The following MELK variants were observed in gnomAD, a reference collection of about 807,000 sequenced individuals.
MELK encodes the protein pEg3 kinase.
MELK carries 81 observed loss-of-function variants against 85.0 expected under a neutral mutation model. The ratio of observed to expected loss-of-function variants is 0.95; its 90% CI spans 0.80 to 1.15. The LOEUF is 1.15. Ranked by LOEUF, MELK falls within the 50% of genes most tolerant of loss-of-function variation. MELK has a pLI of 0.00. For missense variants in MELK, 754 were observed against 777.5 expected (o/e 0.97, Z 0.36); for synonymous variants, 252 against 265.0 (o/e 0.95, Z 0.48).
chr9:36,671,039 A>G lies in MELK; in HGVS notation c.1547A>G (p.Glu516Gly). 6.2e-7 allele frequency: 1 copy of G among 1,613,532 alleles called. No homozygotes were observed. The change falls in exon 16 of 18, where the codon GAG becomes GGG. Residue 516 changes from glutamate to glycine, a missense_variant. Glu to Gly is a moderately conservative substitution (Grantham distance 98). Transcript: ENST00000298048. ...TTGGATCTCAACCAAGCACATATGG[A>G]GGAGACTCCAAAAAGAAAGGGAGCC... ...VELDLNQAHMEETPKRKGAKV... is the reference protein window; with the variant it reads ...VELDLNQAHMGETPKRKGAKV...
intron 6 of MELK, 124 bp downstream of exon 6, chr9:36,597,414 A>G (rs1347007153): frequency 1.5e-5 from 13 of 851,104 alleles, no homozygotes; most frequent in Non-Finnish European, 2.4e-5. Context: ...GAAGAATGTT[A>G]AATTTCATCC....
intron 8 of MELK, among the ~76,000 whole-genome samples, chr9:36,627,454 A>G (rs1013813381): frequency 2.0e-5 from 3 of 151,698 alleles, no homozygotes. Context: ...GACTTTTAAT[A>G]TTATTACATT....
intron 1 of MELK, among the ~76,000 whole-genome samples, chr9:36,579,019 ATATT>A (rs570053757): frequency 7.3e-6 from 1 of 136,156 alleles, no homozygotes; most frequent in Non-Finnish European, 1.5e-5. Flanking sequence ...ATTTATTTAT[ATATT>A]TATTTATTTA....
At position 36,630,331 on chromosome 9, in the gene MELK, TC is replaced by T. The variant is rs778959315; in HGVS notation, c.702del (p.Ser235ValfsTer20). 1 of 1,612,494 alleles carries T rather than the reference TC, an allele frequency of 6.2e-7. No individual in the cohort carries two copies. Among genetic ancestry groups the T allele is most frequent in the South Asian group, 1.1e-5 (1 of 91,006 alleles). ...AATATGATGTTCCCAAGTGGCTCTC[TC>T]CCAGTAGCATTCTGCTTCTTCAACA... is the stretch of plus-strand genomic sequence containing the variant. ...GKYDVPKWLS[P>X]SSILLLQQML... On this transcript the variant is annotated frameshift_variant, in exon 9 of 18. Transcript: ENST00000298048. LOFTEE classifies it high-confidence loss of function.
At chr9:36,632,570 G>A (rs577785254) in intron 9 of MELK, among the ~76,000 whole-genome samples, 3 of 152,144 alleles carry the variant, frequency 2.0e-5, no homozygotes, top group East Asian at 1.9e-4. Context: ...CCAAATCTCC[G>A]TAATGAGATT....
chr9:36,605,119 C>T (rs928883551), intron 7 of MELK, among the ~76,000 whole-genome samples: 4 of 151,860 alleles, frequency 2.6e-5, no homozygotes, highest in Non-Finnish European at 5.9e-5. Context: ...CTTGAACTCC[C>T]TACTTCAGGT....
At chr9:36,625,507 T>A (rs1827840960) in intron 8 of MELK, among the ~76,000 whole-genome samples, 1 of 152,096 alleles carries the variant, frequency 6.6e-6, no homozygotes, top group Admixed American at 6.6e-5. Flanking sequence ...CTAAAACCCC[T>A]CCTTCCCAGG....
intron 7 of MELK, among the ~76,000 whole-genome samples, chr9:36,606,007 T>C (rs1825444395): frequency 6.6e-6 from 1 of 151,688 alleles, no homozygotes; most frequent in Non-Finnish European, 1.5e-5. Context: ...GAGCTGTGAC[T>C]TCTCCTCAGC....
At chr9:36,604,516 A>G (rs1825282426) in intron 7 of MELK, among the ~76,000 whole-genome samples, 1 of 151,370 alleles carries the variant, frequency 6.6e-6, no homozygotes, top group South Asian at 2.1e-4. Flanking sequence ...GGTGGGATTG[A>G]GTGGGAGTGG....
intron 8 of MELK, 162 bp from the exon 9 acceptor site, chr9:36,630,137 G>C (rs1299312859): frequency 1.6e-6 from 1 of 625,122 alleles, no homozygotes; most frequent in South Asian, 2.1e-5. Flanking sequence ...GAGCCACCAC[G>C]CCCAGCCAAG....
Position 36,657,327 on chromosome 9 carries a change from T to C in MELK, c.1140T>C (p.Asp380=). Residue 380 remains aspartate (D), a synonymous_variant, in exon 13 of 18, where the codon GAT becomes GAC. Transcript: ENST00000298048. ...TAGACTATGATTGGTGTGAAGATGA[T>C]TTATCAACAGGTGCTGCTACTCCCC... The part of the protein sequence containing the change: ...GLIDYDWCED[D]LSTGAATPRT... 2 of 1,613,298 alleles carry C rather than the reference T, an allele frequency of 1.2e-6. No individual in the cohort carries two copies. Among genetic ancestry groups the C allele is most frequent in the Non-Finnish European group, 1.7e-6 (2 of 1,179,818 alleles).
intron 1 of MELK, among the ~76,000 whole-genome samples, chr9:36,573,840 T>C (rs1821355894): frequency 6.6e-6 from 1 of 151,876 alleles, no homozygotes; most frequent in Non-Finnish European, 1.5e-5. Flanking sequence ...GCTGTATCAG[T>C]AATAGGAGCA....
intron 16 of MELK, among the ~76,000 whole-genome samples, chr9:36,671,776 T>G (rs1319508725): frequency 6.6e-6 from 1 of 152,224 alleles, no homozygotes; most frequent in Non-Finnish European, 1.5e-5. Context: ...GTACTTTTTA[T>G]TCTCTTGGAT....
chr9:36,609,927 G>A (rs1455253908), intron 8 of MELK, among the ~76,000 whole-genome samples: 2 of 152,190 alleles, frequency 1.3e-5, no homozygotes, highest in African/African-American at 4.8e-5. Context: ...GGTGAGGAAT[G>A]CCATATTATA....
At chr9:36,603,635 T>G (rs1022703105) in intron 7 of MELK, among the ~76,000 whole-genome samples, 1 of 152,070 alleles carries the variant, frequency 6.6e-6, no homozygotes, top group South Asian at 2.1e-4. Flanking sequence ...GGTCTTGCTA[T>G]GTTTCTGGGG....
chr9:36,632,227 C>A (rs1315060076), intron 9 of MELK, among the ~76,000 whole-genome samples: 2 of 152,144 alleles, frequency 1.3e-5, no homozygotes, highest in Non-Finnish European at 2.9e-5. Context: ...TGGGGCCACA[C>A]TTTGAGAACC....
chr9:36,613,236 C>T (rs1033104758), intron 8 of MELK, among the ~76,000 whole-genome samples: 1 of 152,244 alleles, frequency 6.6e-6, no homozygotes, highest in African/African-American at 2.4e-5. Flanking sequence ...TCCCTCCCTT[C>T]TTTCAGGTCT....
intron 10 of MELK, among the ~76,000 whole-genome samples, chr9:36,639,127 C>T (rs570155773): frequency 6.6e-6 from 1 of 152,142 alleles, no homozygotes; most frequent in Non-Finnish European, 1.5e-5. Flanking sequence ...ATCACAGTAA[C>T]TTTTCTGAGT....
intron 14 of MELK, among the ~76,000 whole-genome samples, chr9:36,667,243 C>A (rs1297947220): frequency 6.6e-6 from 1 of 151,656 alleles, no homozygotes; most frequent in Non-Finnish European, 1.5e-5. Context: ...GCAACCTCTG[C>A]CTCCTGGGTT....
Sources: gnomAD v4.1 joint callset for allele counts (sites outside exome capture counted in the v4.1 genomes callset) on GRCh38, gnomAD v4.1.1 for gene constraint, MANE v1.5 for transcripts, NCBI Gene and HGNC (gene_info 2026-07-23, HGNC 2026-07-21) for gene names.